CCDC171: variants seen among roughly 807,000 people sequenced by gnomAD.
The protein encoded by CCDC171 is coiled-coil domain containing 171.
CCDC171 carries 177 observed loss-of-function variants against 168.2 expected under a neutral mutation model. The observed-to-expected ratio is 1.05, with a 90% CI of 0.93 to 1.19. CCDC171 has a LOEUF of 1.19. CCDC171 is among the 50% of genes most tolerant of loss of function. CCDC171 has a pLI of 0.00. For synonymous variants in CCDC171, 687 were observed against 540.8 expected, an observed-to-expected ratio of 1.27 and a Z score of -3.75; for missense variants, 1,991 against 1,539.0, an observed-to-expected ratio of 1.29 and a Z score of -4.91.
At chr9:15,689,040 A>G (rs1458833249) in intron 10 of CCDC171, among the ~76,000 whole-genome samples, 2 of 152,244 alleles carry the variant, frequency 1.3e-5, no homozygotes, top group Admixed American at 1.3e-4. Flanking sequence ...ATATCCATTT[A>G]GGAAAGCAGT....
At chr9:15,611,844 C>G (rs1564048471) in intron 6 of CCDC171, among the ~76,000 whole-genome samples, 2 of 152,062 alleles carry the variant, frequency 1.3e-5, no homozygotes, top group Admixed American at 1.3e-4. Context: ...AGCTGTTTTG[C>G]TAGGGTCTGG....
intron 7 of CCDC171, 23 bp downstream of exon 7, chr9:15,623,436 A>G (rs1486889646): frequency 5.2e-6 from 8 of 1,525,862 alleles, no homozygotes; most frequent in Non-Finnish European, 6.2e-6. Context: ...ATTCCTTTAT[A>G]ATATATATGC....
At chr9:15,857,403 T>A (rs904173028) in intron 23 of CCDC171, among the ~76,000 whole-genome samples, 3 of 151,894 alleles carry the variant, frequency 2.0e-5, no homozygotes, top group African/African-American at 4.8e-5. Flanking sequence ...TAGATTTTTT[T>A]TAATATGGTG....
intron 6 of CCDC171, among the ~76,000 whole-genome samples, chr9:16,026,446 T>G (rs10756734): frequency 6.6e-6 from 1 of 152,062 alleles, no homozygotes; most frequent in African/African-American, 2.4e-5. Context: ...TCAGTGTGTT[T>G]TCAAGCCACC....
At chr9:16,041,518 T>C (rs1395890190), upstream of CCDC171, among the ~76,000 whole-genome samples, 1 of 152,188 alleles carries the variant, frequency 6.6e-6, no homozygotes, top group East Asian at 1.9e-4. Context: ...TGAAGATTTT[T>C]TAGTACTTAT....
chr9:15,906,569 C>G (rs934052794), intron 24 of CCDC171, among the ~76,000 whole-genome samples: 2 of 152,190 alleles, frequency 1.3e-5, no homozygotes, highest in African/African-American at 4.8e-5. Context: ...CAATATCATA[C>G]TGAATGGGCA....
At chr9:15,890,199 A>G (rs1433356705) in intron 24 of CCDC171, among the ~76,000 whole-genome samples, 1 of 151,998 alleles carries the variant, frequency 6.6e-6, no homozygotes, top group Non-Finnish European at 1.5e-5. Context: ...AGAATGTGAA[A>G]TTTAATATGA....
Position 15,594,186 on chromosome 9 carries a change from A to G in CCDC171, c.675+14A>G. Reference sequence around the variant, plus strand: ...TTTATAGTACAGGTATTTTAAAAATAATCAGTTCCTTAAATATATATTTTT... The same window carrying G: ...TTTATAGTACAGGTATTTTAAAAATGATCAGTTCCTTAAATATATATTTTT... On this transcript the variant is annotated intron_variant, in intron 6 of 25. Transcript: ENST00000380701. The G allele has an allele frequency of 2.4e-6, 3 of 1,262,688 alleles. No individual in the cohort carries two copies. Among genetic ancestry groups the G allele is most frequent in the Non-Finnish European group, 3.4e-6 (3 of 891,076 alleles). 78.2% of individuals were successfully genotyped at this position (1,262,688 alleles called of 1,614,324 possible).
chr9:15,984,242 CAG>C (rs1418807406), intron 3 of CCDC171, among the ~76,000 whole-genome samples: 1 of 58,692 alleles, frequency 1.7e-5, no homozygotes, highest in East Asian at 3.9e-4. Context: ...TTCCAGGCCT[CAG>C]AAAGCATACC....
chr9:15,946,238 A>G (rs1828363544), intron 25 of CCDC171, among the ~76,000 whole-genome samples: 1 of 151,982 alleles, frequency 6.6e-6, no homozygotes, highest in African/African-American at 2.4e-5. Context: ...CCATTGATCT[A>G]TATCTCAGTT....
intron 3 of CCDC171, among the ~76,000 whole-genome samples, chr9:16,000,724 G>T (rs1832514525): frequency 7.5e-6 from 1 of 133,482 alleles, no homozygotes; most frequent in South Asian, 2.5e-4. Context: ...TTAATAAGAA[G>T]AGACTTTTTT....
chr9:16,051,437 G>C (rs1485457309), intron 1 of CCDC171, among the ~76,000 whole-genome samples: 1 of 152,086 alleles, frequency 6.6e-6, no homozygotes, highest in East Asian at 1.9e-4. Context: ...GGTCACCAAG[G>C]CCTGGGTAAG....
chr9:15,867,300 T>C (rs1388488957), intron 23 of CCDC171, among the ~76,000 whole-genome samples: 1 of 152,000 alleles, frequency 6.6e-6, no homozygotes, highest in East Asian at 1.9e-4. Context: ...TAAATAATAA[T>C]ATATAGTTAT....
At chr9:15,911,514 A>G (rs201340641) in intron 24 of CCDC171, among the ~76,000 whole-genome samples, 12 of 152,142 alleles carry the variant, frequency 7.9e-5, no homozygotes, top group South Asian at 4.1e-4. Flanking sequence ...CACTCTGATG[A>G]TAGTTTCTTT....
At position 15,766,258 on chromosome 9, in the gene CCDC171, C is replaced by G. The variant is rs975229361; in HGVS notation, c.2672-11342C>G. Among the ~76,000 whole-genome samples the G allele has an allele frequency of 7.9e-5, 12 of 152,078 alleles. 1 individual carries two copies. Among genetic ancestry groups the G allele is most frequent in the South Asian group, 4.1e-4 (2 of 4,820 alleles). On this transcript the variant is annotated intron_variant, in intron 18 of 25. Transcript: ENST00000380701. Reference sequence around the variant, plus strand: ...TGCCGTGAGTGTTAAAGTCCCTTGTCTCTCACCCAGGAGTCTTGTGTTTTT... The same window carrying G: ...TGCCGTGAGTGTTAAAGTCCCTTGTGTCTCACCCAGGAGTCTTGTGTTTTT...
intron 18 of CCDC171, among the ~76,000 whole-genome samples, chr9:15,761,683 T>C (rs558356168): frequency 7.9e-4 from 121 of 152,300 alleles, no homozygotes; most frequent in African/African-American, 2.7e-3. Flanking sequence ...TTTATATAAC[T>C]TCACTCATAT....
chr9:15,813,271 A>T (rs2059432145), intron 21 of CCDC171, among the ~76,000 whole-genome samples: 1 of 152,238 alleles, frequency 6.6e-6, no homozygotes. Context: ...TTTCTGGCAT[A>T]ATGCCAGACA....
chr9:15,694,620 C>G (rs192847329), intron 10 of CCDC171, among the ~76,000 whole-genome samples: 1 of 152,152 alleles, frequency 6.6e-6, no homozygotes, highest in Non-Finnish European at 1.5e-5. Flanking sequence ...TCTTTTTCTG[C>G]GTACTTCCCT....
At chr9:15,837,816 C>A (rs1270832028) in intron 21 of CCDC171, among the ~76,000 whole-genome samples, 1 of 152,152 alleles carries the variant, frequency 6.6e-6, no homozygotes, top group African/African-American at 2.4e-5. Context: ...TGGTTTATTG[C>A]ACGATGGGAA....
Sources: gnomAD v4.1 joint callset for allele counts (sites outside exome capture counted in the v4.1 genomes callset) on GRCh38, gnomAD v4.1.1 for gene constraint, MANE v1.5 for transcripts, NCBI Gene and HGNC (gene_info 2026-07-23, HGNC 2026-07-21) for gene names.